The following KYAT3 variants were observed in gnomAD, a reference collection of about 807,000 sequenced individuals.
The protein encoded by KYAT3 is kynurenine aminotransferase 3, also known as kynurenine--oxoglutarate transaminase 3.
KYAT3 carries 50 observed loss-of-function variants against 59.0 expected under a neutral mutation model. The ratio of observed to expected loss-of-function variants is 0.85; its 90% CI spans 0.68 to 1.07. The LOEUF (loss-of-function observed/expected upper bound fraction) is 1.07. Among genes scored for constraint, KYAT3 ranks in the 50% least tolerant of loss-of-function variants. The pLI is 0.00. For missense variants in KYAT3, 497 were observed against 533.3 expected (o/e 0.93, Z 0.67); for synonymous variants, 148 against 177.0 (o/e 0.84, Z 1.30).
chr1:88,921,380 G>T, the KYAT3 span, among the ~76,000 whole-genome samples: 1 of 152,106 alleles, frequency 6.6e-6, no homozygotes, highest in Non-Finnish European at 1.5e-5. Flanking sequence ...AGGTACTTTG[G>T]TTTTTTTAGC....
chr1:88,985,907 G>A (rs185952056), intron 2 of KYAT3, among the ~76,000 whole-genome samples: 1 of 152,286 alleles, frequency 6.6e-6, no homozygotes, highest in African/African-American at 2.4e-5. Flanking sequence ...TGGGCTGGAC[G>A]CAGTGACTCA....
At chr1:88,949,573 T>G (rs1243372336) in intron 10 of KYAT3, among the ~76,000 whole-genome samples, 1 of 152,228 alleles carries the variant, frequency 6.6e-6, no homozygotes, top group African/African-American at 2.4e-5. Context: ...GACATTAAGA[T>G]ATTTTCTGCT....
chr1:88,943,296 T>G, intron 12 of KYAT3, 54 bp downstream of exon 12: 1 of 1,173,306 alleles, frequency 8.5e-7, no homozygotes, highest in East Asian at 2.3e-5. Flanking sequence ...CAGATTTCCT[T>G]CAAAAATTAA....
chr1:88,956,298 T>C (rs990213188), intron 8 of KYAT3, among the ~76,000 whole-genome samples: 1 of 152,210 alleles, frequency 6.6e-6, no homozygotes, highest in African/African-American at 2.4e-5. Context: ...AAATTTCCCC[T>C]TTATTGATTT....
At chr1:88,984,834 C>G (rs1677351193) in intron 2 of KYAT3, among the ~76,000 whole-genome samples, 1 of 152,112 alleles carries the variant, frequency 6.6e-6, no homozygotes, top group Non-Finnish European at 1.5e-5. Context: ...TATCTTCCCT[C>G]CACCCTGTAG....
At chr1:88,953,438 T>C (rs965795971) in intron 9 of KYAT3, among the ~76,000 whole-genome samples, 1 of 150,862 alleles carries the variant, frequency 6.6e-6, no homozygotes, top group African/African-American at 2.4e-5. Flanking sequence ...CCCAGCTACT[T>C]GGGAAGCTGA....
At chr1:88,962,035 T>C (rs1209912734) in intron 6 of KYAT3, 24 bp downstream of exon 6, 3 of 1,556,722 alleles carry the variant, frequency 1.9e-6, no homozygotes, top group Non-Finnish European at 2.7e-6. Flanking sequence ...AACTTTGCCA[T>C]ATGAACCATA....
intron 13 of KYAT3, among the ~76,000 whole-genome samples, chr1:88,938,568 T>C (rs560457706): frequency 6.5e-4 from 99 of 152,268 alleles, no homozygotes; most frequent in African/African-American, 2.3e-3. Context: ...CCAGTGTCTG[T>C]TGTTCCCTTC....
chr1:88,988,162 G>A, intron 2 of KYAT3, 90 bp downstream of exon 2: 1 of 783,844 alleles, frequency 1.3e-6, no homozygotes, highest in Non-Finnish European at 2.1e-6. Context: ...TTTCAATAAA[G>A]TATTTGTAAA....
chr1:88,973,837 T>C (rs1051735626), intron 2 of KYAT3, among the ~76,000 whole-genome samples: 8 of 152,172 alleles, frequency 5.3e-5, no homozygotes, highest in African/African-American at 1.9e-4. Flanking sequence ...CCCTAGTCCA[T>C]CAAAGTTTCA....
Position 88,961,465 on chromosome 1 carries a change from T to C in KYAT3, c.582A>G (p.Thr194=), listed in dbSNP as rs1402245561. The change falls in exon 7 of 14, where the codon ACA becomes ACG. Residue 194 remains threonine, a synonymous_variant. Coordinates refer to ENST00000260508, the MANE Select transcript of KYAT3 (RefSeq NM_001008661.3). ...TACTTTCCAGTTCTTGAGGATCTAATGTCCAGTCAGAACTAGACCATCTTT... is the reference window on the plus strand; with the variant it reads ...TACTTTCCAGTTCTTGAGGATCTAACGTCCAGTCAGAACTAGACCATCTTT... ...YGKRWSSSDW[T]LDPQELESKF... 1 of 1,613,404 alleles carries C rather than the reference T, an allele frequency of 6.2e-7. No individual in the cohort carries two copies. The highest frequency in any genetic ancestry group is 8.5e-7 in the Non-Finnish European group (1 of 1,179,382).
At chr1:88,991,522 G>A (rs1429727012) in intron 1 of KYAT3, among the ~76,000 whole-genome samples, 1 of 152,204 alleles carries the variant, frequency 6.6e-6, no homozygotes, top group Non-Finnish European at 1.5e-5. Context: ...AAGGTTCACC[G>A]ATACAACAGA....
intron 2 of KYAT3, among the ~76,000 whole-genome samples, chr1:88,975,245 C>T (rs1323115020): frequency 5.9e-5 from 9 of 152,246 alleles, no homozygotes; most frequent in African/African-American, 1.4e-4. Context: ...TTGAAGCGAG[C>T]GAGACCAAGA....
chr1:88,963,411 G>A (rs1676225149), intron 5 of KYAT3, among the ~76,000 whole-genome samples: 1 of 152,176 alleles, frequency 6.6e-6, no homozygotes, highest in African/African-American at 2.4e-5. Flanking sequence ...CATCTTGTCT[G>A]GCATAGTGAA....
At chr1:88,950,391 T>C (rs768276607) in intron 10 of KYAT3, among the ~76,000 whole-genome samples, 13 of 152,182 alleles carry the variant, frequency 8.5e-5, no homozygotes, top group African/African-American at 1.4e-4. Context: ...TGGAAATCTG[T>C]GGTTTCCTGG....
intron 13 of KYAT3, among the ~76,000 whole-genome samples, chr1:88,939,608 A>AT (rs970052599): frequency 5.9e-5 from 9 of 151,888 alleles, no homozygotes; most frequent in Admixed American, 1.3e-4. Flanking sequence ...TTCTGCTCTT[A>AT]TTTTTTTCTG....
At chr1:88,928,381 TA>T in the KYAT3 span, among the ~76,000 whole-genome samples, 99 of 145,330 alleles carry the variant, frequency 6.8e-4, no homozygotes, top group Middle Eastern at 3.5e-3. Context: ...ACAAACGGGA[TA>T]AAAAAAAAAG....
chr1:88,978,426 C>T (rs913660384), intron 2 of KYAT3, among the ~76,000 whole-genome samples: 2 of 152,056 alleles, frequency 1.3e-5, no homozygotes, highest in Admixed American at 6.6e-5. Flanking sequence ...GCAGCCTCAA[C>T]CTCCTGGCTA....
intron 5 of KYAT3, chr1:88,964,512 A>G (rs1467941783): frequency 1.5e-5 from 4 of 274,288 alleles, no homozygotes; most frequent in Non-Finnish European, 2.8e-5. Flanking sequence ...GTAAAAGAGC[A>G]GTGAAAACAA....
Sources: allele counts gnomAD v4.1 joint callset (sites outside exome capture counted in the v4.1 genomes callset), GRCh38; gene constraint gnomAD v4.1.1; transcripts MANE v1.5; gene names NCBI Gene and HGNC (gene_info 2026-07-23, HGNC 2026-07-21).